TBC1D32: variants seen among roughly 807,000 people sequenced by gnomAD.
TBC1D32 encodes the protein protein broad-minded.
In TBC1D32, 151 loss-of-function variants were observed where a neutral mutation model predicts 170.3. The ratio of observed to expected loss-of-function variants is 0.89; its 90% CI spans 0.78 to 1.01. TBC1D32 has a LOEUF of 1.01. Among genes scored for constraint, TBC1D32 ranks in the 50% least tolerant of loss-of-function variants. The probability of loss-of-function intolerance (pLI) is 0.00; values close to 1 mark genes in which losing one functional copy is unlikely to be tolerated. For missense variants in TBC1D32, 1,464 were observed against 1,457.1 expected (o/e 1.00, Z -0.08); for synonymous variants, 498 against 488.0 (o/e 1.02, Z -0.27).
At chr6:121,174,627 A>G (rs1787510667) in intron 22 of TBC1D32, among the ~76,000 whole-genome samples, 1 of 152,210 alleles carries the variant, frequency 6.6e-6, no homozygotes, top group East Asian at 1.9e-4. Context: ...GTCTAACATG[A>G]TTAGATATTA....
In TBC1D32 at chr6:121,080,017, C is replaced by T. The variant is rs1394423746; in HGVS notation, c.*754G>A. 1 of 152,136 alleles carries T rather than the reference C, an allele frequency of 6.6e-6. No individual in the cohort carries two copies. The highest frequency in any genetic ancestry group is 2.4e-5 in the African/African-American group (1 of 41,432). The allele number at this position is 152,136 out of a possible 1,614,324, so 9.4% of individuals were successfully genotyped here. On this transcript the variant is annotated 3_prime_UTR_variant, in exon 32 of 32. Transcript: ENST00000398212. ...GGTAAATAGTATCATTGTTCTTCCA[C>T]ATGTAAAAGAAGCAGCTGTAGTTTT...
At chr6:121,249,238 CAAAA>C (rs1377206403) in intron 17 of TBC1D32, among the ~76,000 whole-genome samples, 1 of 150,306 alleles carries the variant, frequency 6.7e-6, no homozygotes, top group Non-Finnish European at 1.5e-5. Context: ...TCAATAAAAA[CAAAA>C]AAAGCATGTG....
intron 1 of TBC1D32, 107 bp downstream of exon 1, chr6:121,334,169 G>T: frequency 1.2e-6 from 1 of 863,002 alleles, no homozygotes. Flanking sequence ...AAACCTCCAA[G>T]TTGGGCACTA....
chr6:121,238,944 A>G (rs1015127100), intron 20 of TBC1D32, 126 bp downstream of exon 20: 6 of 474,566 alleles, frequency 1.3e-5, no homozygotes, highest in African/African-American at 2.0e-5. Flanking sequence ...TTGAAAATTA[A>G]AAAGAGGAGA....
At chr6:121,324,957 C>T (rs1431070510) in intron 1 of TBC1D32, among the ~76,000 whole-genome samples, 1 of 152,172 alleles carries the variant, frequency 6.6e-6, no homozygotes, top group African/African-American at 2.4e-5. Flanking sequence ...CGCCTGTAAT[C>T]CCAGTACTTT....
Position 121,308,051 on chromosome 6 carries a change from G to A in TBC1D32, c.615C>T (p.Val205=), listed in dbSNP as rs762354876. The A allele has an allele frequency of 6.2e-7, 1 of 1,613,674 alleles. No individual in the cohort carries two copies. The highest frequency in any genetic ancestry group is 1.3e-5 in the African/African-American group (1 of 74,896). ...QTLCSAPPSD[V]LNCENWTTLC... ...GAGTAGTCCAATTTTCACAGTTGAG[G>A]ACATCAGATGGAGGAGCTGAACATA... Residue 205 remains valine (V), a synonymous_variant, in exon 5 of 32, where the codon GTC becomes GTT. Coordinates refer to ENST00000398212, the MANE Select transcript of TBC1D32 (RefSeq NM_152730.6).
chr6:121,120,894 C>A (rs930775503), intron 26 of TBC1D32, among the ~76,000 whole-genome samples: 1 of 151,854 alleles, frequency 6.6e-6, no homozygotes, highest in Non-Finnish European at 1.5e-5. Context: ...TCTTTTACCC[C>A]TTTCCCAGGT....
intron 15 of TBC1D32, among the ~76,000 whole-genome samples, chr6:121,276,393 C>A (rs1032661237): frequency 1.9e-4 from 29 of 151,854 alleles, no homozygotes; most frequent in African/African-American, 7.0e-4. Context: ...ATGTATATTA[C>A]AAACTTAATA....
intron 14 of TBC1D32, among the ~76,000 whole-genome samples, chr6:121,281,099 AAATTGG>A (rs1399081435): frequency 2.6e-5 from 4 of 151,864 alleles, no homozygotes; most frequent in Non-Finnish European, 3.0e-5. Context: ...ACATCTGTTC[AAATTGG>A]AATTCTATAT....
intron 18 of TBC1D32, 121 bp from the exon 19 acceptor site, chr6:121,241,673 C>T: frequency 1.2e-6 from 1 of 861,078 alleles, no homozygotes; most frequent in Non-Finnish European, 1.8e-6. Context: ...AAAATCATAC[C>T]TAAGATCTTA....
intron 22 of TBC1D32, among the ~76,000 whole-genome samples, chr6:121,196,944 C>T (rs1222251186): frequency 1.3e-5 from 2 of 152,158 alleles, no homozygotes; most frequent in East Asian, 3.9e-4. Flanking sequence ...GCCTCCTGTT[C>T]CCACAAGATT....
chr6:121,261,093 T>TC (rs1288049725), intron 15 of TBC1D32, among the ~76,000 whole-genome samples: 2 of 152,088 alleles, frequency 1.3e-5, no homozygotes, highest in African/African-American at 4.8e-5. Flanking sequence ...CTACAGGAAC[T>TC]CCAACAACTC....
chr6:121,129,352 A>T (rs1781181884), intron 25 of TBC1D32, among the ~76,000 whole-genome samples: 1 of 152,162 alleles, frequency 6.6e-6, no homozygotes, highest in Non-Finnish European at 1.5e-5. Flanking sequence ...GAGCACATTT[A>T]AGCTAGGCTA....
At chr6:121,235,670 C>A (rs1398335322) in intron 20 of TBC1D32, among the ~76,000 whole-genome samples, 1 of 152,176 alleles carries the variant, frequency 6.6e-6, no homozygotes, top group Non-Finnish European at 1.5e-5. Context: ...TGACCCAGAC[C>A]ACAAGCCTCT....
chr6:121,113,297 A>T (rs550752174), intron 27 of TBC1D32, 120 bp from the exon 28 acceptor site: 1 of 560,130 alleles, frequency 1.8e-6, no homozygotes, highest in East Asian at 3.0e-5. Context: ...CTCTCAATAC[A>T]TGTTTCTGAT....
At chr6:121,194,648 GC>G (rs1198894925) in intron 22 of TBC1D32, among the ~76,000 whole-genome samples, 1 of 152,206 alleles carries the variant, frequency 6.6e-6, no homozygotes, top group Non-Finnish European at 1.5e-5. Context: ...CTTGGCAAAT[GC>G]CTTTTTCTCC....
intron 1 of TBC1D32, among the ~76,000 whole-genome samples, chr6:121,326,636 C>T (rs545682070): frequency 6.6e-6 from 1 of 152,118 alleles, no homozygotes; most frequent in Admixed American, 6.5e-5. Flanking sequence ...CCTATGACCA[C>T]AGTAATATCT....
intron 15 of TBC1D32, among the ~76,000 whole-genome samples, chr6:121,271,097 T>C (rs1801343029): frequency 6.6e-6 from 1 of 152,140 alleles, no homozygotes; most frequent in Admixed American, 6.5e-5. Context: ...AAACTAGGTA[T>C]AGATGGGACG....
At chr6:121,158,981 A>C (rs1041197323) in intron 24 of TBC1D32, among the ~76,000 whole-genome samples, 5 of 152,146 alleles carry the variant, frequency 3.3e-5, no homozygotes, top group African/African-American at 1.2e-4. Flanking sequence ...TCTTGCTGTC[A>C]CATTCCAAAT....
Sources: gnomAD v4.1 joint callset for allele counts (sites outside exome capture counted in the v4.1 genomes callset) on GRCh38, gnomAD v4.1.1 for gene constraint, MANE v1.5 for transcripts, NCBI Gene and HGNC (gene_info 2026-07-23, HGNC 2026-07-21) for gene names.